Variants in TRIM14 observed in about 807,000 individuals in gnomAD.
TRIM14 encodes tripartite motif containing 14, also known as tripartite motif-containing protein 14.
TRIM14 carries 28 observed loss-of-function variants against 44.5 expected under a neutral mutation model. The observed-to-expected ratio is 0.63, with a 90% confidence interval of 0.47 to 0.86. The LOEUF is 0.86. TRIM14 is among the 40% of genes least tolerant of loss of function. TRIM14 has a pLI of 0.00. For missense variants in TRIM14, 607 were observed against 611.1 expected (o/e 0.99, Z 0.07); for synonymous variants, 299 against 269.2 (o/e 1.11, Z -1.08).
At chr9:98,080,844 C>A, downstream of TRIM14, 1 of 1,602,864 alleles carries the variant, frequency 6.2e-7, no homozygotes, top group Non-Finnish European at 8.5e-7. Flanking sequence ...CCTGACATTC[C>A]CATAGGGTAT....
chr9:98,059,274 C>T, the TRIM14 span, among the ~76,000 whole-genome samples: 18 of 152,160 alleles, frequency 1.2e-4, no homozygotes, highest in Admixed American at 9.2e-4. Context: ...CTGCCCACCT[C>T]GGCCTCCCAG....
At chr9:98,056,635 T>C in the TRIM14 span, 5 of 937,656 alleles carry the variant, frequency 5.3e-6, no homozygotes, top group Admixed American at 3.6e-5. Flanking sequence ...CCCGCCCCGA[T>C]TGGCTGTCGG....
chr9:98,061,015 C>T, the TRIM14 span: 185 of 1,611,420 alleles, frequency 1.1e-4, 1 homozygote, highest in African/African-American at 1.4e-3. Context: ...CTCTGCTGCT[C>T]TGTCATTTGT....
the TRIM14 span, among the ~76,000 whole-genome samples, chr9:98,051,686 A>G: frequency 3.3e-5 from 5 of 152,142 alleles, no homozygotes; most frequent in Non-Finnish European, 7.4e-5. Context: ...CAATGTTCTA[A>G]CAAGCAGCCA....
At chr9:98,043,162 C>A in the TRIM14 span, among the ~76,000 whole-genome samples, 1 of 150,240 alleles carries the variant, frequency 6.7e-6, no homozygotes, top group African/African-American at 2.5e-5. Context: ...GAATTGTCAG[C>A]TGACTAGCCC....
the TRIM14 span, among the ~76,000 whole-genome samples, chr9:98,042,344 C>T: frequency 2.0e-5 from 3 of 150,656 alleles, no homozygotes; most frequent in Non-Finnish European, 3.0e-5. Flanking sequence ...GGAAAATTGC[C>T]TGGACACTTA....
At chr9:98,098,452 C>T (rs1826262579) in intron 3 of TRIM14, among the ~76,000 whole-genome samples, 1 of 152,084 alleles carries the variant, frequency 6.6e-6, no homozygotes, top group Non-Finnish European at 1.5e-5. Context: ...TGGCTCACGC[C>T]TGTAATCCCA....
At chr9:98,103,678 GAT>G (rs751590669) in intron 2 of TRIM14, among the ~76,000 whole-genome samples, 2 of 151,696 alleles carry the variant, frequency 1.3e-5, no homozygotes, top group Non-Finnish European at 2.9e-5. Context: ...CTCTACTAAA[GAT>G]ATAAAAAATT....
In TRIM14 at chr9:98,100,075, T is replaced by C; in HGVS notation, c.393A>G (p.Lys131=). 1.2e-6 allele frequency: 2 copies of C among 1,614,220 alleles called. No homozygotes were observed. The highest frequency in any genetic ancestry group is 1.7e-6 in the Non-Finnish European group (2 of 1,180,048). ...TAAGCTGCGTGTTTTTATCAATGAATTTCTTGGCCAGCGCTTCCTCTTCGT... is the reference window on the plus strand; with the variant it reads ...TAAGCTGCGTGTTTTTATCAATGAACTTCTTGGCCAGCGCTTCCTCTTCGT... ...LLDEEEALAK[K]FIDKNTQLTL... The change falls in exon 3 of 6, where the codon AAA becomes AAG. Residue 131 remains lysine, a synonymous_variant. Transcript: ENST00000341469.
At position 98,088,008 on chromosome 9, in the gene TRIM14, G is replaced by T; in HGVS notation, c.794-3C>A. On this transcript the variant is annotated splice_region_variant and splice_polypyrimidine_tract_variant and intron_variant, in intron 5 of 5. Coordinates refer to ENST00000341469, the MANE Select transcript of TRIM14 (RefSeq NM_014788.4). ...ATCCAGCGTGGGCGTGCGCGCGTCT[G>T]CAGGGGGCGAGACAAGGGACGCACC... 2 of 1,524,558 alleles carry T rather than the reference G, an allele frequency of 1.3e-6. No individual in the cohort carries two copies. The highest frequency in any genetic ancestry group is 1.7e-6 in the Non-Finnish European group (2 of 1,149,644). 94.4% of individuals were successfully genotyped at this position (1,524,558 alleles called of 1,614,324 possible). A position where few individuals can be genotyped will look rare whatever the true frequency, so the allele number is the denominator to read the frequency against.
At chr9:98,111,822 C>T (rs1186187258) in intron 1 of TRIM14, among the ~76,000 whole-genome samples, 1 of 152,078 alleles carries the variant, frequency 6.6e-6, no homozygotes, top group Non-Finnish European at 1.5e-5. Flanking sequence ...CCTGTAATCC[C>T]AGCTACTCGG....
chr9:98,071,361 C>G (rs1001645251), intron 6 of TRIM14, among the ~76,000 whole-genome samples: 2 of 152,220 alleles, frequency 1.3e-5, no homozygotes, highest in Non-Finnish European at 2.9e-5. Context: ...ACTCTAGGGT[C>G]AGATTTTAAG....
At chr9:98,041,980 G>A in the TRIM14 span, among the ~76,000 whole-genome samples, 1 of 151,530 alleles carries the variant, frequency 6.6e-6, no homozygotes, top group Non-Finnish European at 1.5e-5. Flanking sequence ...ACCGCGCCTG[G>A]CCTAAGGACA....
At chr9:98,103,502 T>A (rs1826479045) in intron 2 of TRIM14, among the ~76,000 whole-genome samples, 1 of 152,066 alleles carries the variant, frequency 6.6e-6, no homozygotes, top group Non-Finnish European at 1.5e-5. Context: ...ATTGTTTAAA[T>A]TTTAAAAAAT....
At chr9:98,045,752 A>G in the TRIM14 span, among the ~76,000 whole-genome samples, 1 of 152,170 alleles carries the variant, frequency 6.6e-6, no homozygotes, top group Non-Finnish European at 1.5e-5. Flanking sequence ...GCTTCTTCTA[A>G]TGACCCCCAG....
At chr9:98,072,932 T>C (rs1315672025) in intron 6 of TRIM14, among the ~76,000 whole-genome samples, 1 of 152,174 alleles carries the variant, frequency 6.6e-6, no homozygotes, top group Non-Finnish European at 1.5e-5. Context: ...AAGGTTAAGG[T>C]GTGGCAGAAT....
At chr9:98,046,254 A>T in the TRIM14 span, among the ~76,000 whole-genome samples, 1 of 152,132 alleles carries the variant, frequency 6.6e-6, no homozygotes, top group African/African-American at 2.4e-5. Context: ...CTTCTGACTT[A>T]TACATGCGTA....
rs182594268 is a variant in TRIM14, at chr9:98,089,850, C to T, written c.794-1845G>A. On this transcript the variant is annotated intron_variant, in intron 5 of 5. Coordinates refer to ENST00000341469, the MANE Select transcript of TRIM14 (RefSeq NM_014788.4). Reference sequence around the variant, plus strand: ...TCTGCTTTCTGCCCCAAAAGTGAGGCGGTACCGTTAAGGGCAGGAGGAGCC... The same window carrying T: ...TCTGCTTTCTGCCCCAAAAGTGAGGTGGTACCGTTAAGGGCAGGAGGAGCC... Among the ~76,000 whole-genome samples the T allele has an allele frequency of 8.5e-4, 130 of 152,274 alleles. 1 individual carries two copies. The highest frequency in any genetic ancestry group is 8.5e-3 in the East Asian group (44 of 5,180).
At chr9:98,099,223 T>G (rs544146102) in intron 3 of TRIM14, among the ~76,000 whole-genome samples, 212 of 151,622 alleles carry the variant, frequency 1.4e-3, no homozygotes, top group African/African-American at 4.9e-3. Context: ...GAGGCTGAGG[T>G]GGGCGGATCA....
Sources: allele counts gnomAD v4.1 joint callset (sites outside exome capture counted in the v4.1 genomes callset), GRCh38; gene constraint gnomAD v4.1.1; transcripts MANE v1.5; gene names NCBI Gene and HGNC (gene_info 2026-07-23, HGNC 2026-07-21).